Variants in NCKAP5 observed in about 807,000 individuals in gnomAD.
The protein encoded by NCKAP5 is NCK associated protein 5.
A neutral mutation model predicts 167.0 loss-of-function variants in NCKAP5; 92 were observed. The ratio of observed to expected loss-of-function variants is 0.55; its 90% CI spans 0.47 to 0.66. NCKAP5 has a LOEUF of 0.66. Among genes scored for constraint, NCKAP5 ranks in the 30% least tolerant of loss-of-function variants. NCKAP5 has a pLI of 0.00. For synonymous variants in NCKAP5, 891 were observed against 877.4 expected, an observed-to-expected ratio of 1.02 and a Z score of -0.27; for missense variants, 2,378 against 2,315.0, an observed-to-expected ratio of 1.03 and a Z score of -0.56.
At chr2:133,108,644 A>G in intron 6 of NCKAP5, among the ~76,000 whole-genome samples, 1 of 152,212 alleles carries the variant, frequency 6.6e-6, no homozygotes, top group East Asian at 1.9e-4. Flanking sequence ...TCCAGAACGT[A>G]TTCATCCTTC....
intron 8 of NCKAP5, among the ~76,000 whole-genome samples, chr2:132,917,410 G>C (rs1694969891): frequency 6.6e-6 from 1 of 152,164 alleles, no homozygotes; most frequent in Admixed American, 6.5e-5. Flanking sequence ...TAAAATGATA[G>C]TTCATAGCCC....
intron 8 of NCKAP5, among the ~76,000 whole-genome samples, 166 bp from the exon 9 acceptor site, chr2:132,879,082 G>A (rs1691548963): frequency 6.6e-6 from 1 of 152,172 alleles, no homozygotes; most frequent in African/African-American, 2.4e-5. Flanking sequence ...TCGCAGGGAT[G>A]ACTTCTGTCT....
the NCKAP5 span, among the ~76,000 whole-genome samples, chr2:133,578,958 T>A: frequency 6.6e-6 from 1 of 152,162 alleles, no homozygotes; most frequent in Non-Finnish European, 1.5e-5. Context: ...AATCTGTTCT[T>A]AAGAAACACA....
the NCKAP5 span, among the ~76,000 whole-genome samples, chr2:133,620,512 T>G: frequency 1.3e-5 from 2 of 152,060 alleles, no homozygotes; most frequent in African/African-American, 2.4e-5. Context: ...CAACAGCAGT[T>G]AAAAAAGACA....
chr2:133,381,232 G>A (rs956220355), intron 3 of NCKAP5, among the ~76,000 whole-genome samples: 2 of 152,116 alleles, frequency 1.3e-5, no homozygotes, highest in Admixed American at 6.6e-5. Flanking sequence ...GACAGACATC[G>A]TCAGTCATGG....
At chr2:133,595,465 C>G in the NCKAP5 span, among the ~76,000 whole-genome samples, 1 of 151,844 alleles carries the variant, frequency 6.6e-6, no homozygotes, top group Non-Finnish European at 1.5e-5. Context: ...TCCTCCTCCT[C>G]TTCCTTTTTC....
intron 5 of NCKAP5, among the ~76,000 whole-genome samples, chr2:133,161,896 AGGATCTCCTGTATCAG>A (rs1454038621): frequency 2.0e-5 from 3 of 152,296 alleles, no homozygotes; most frequent in Non-Finnish European, 2.9e-5. Context: ...TCTTCCATAT[AGGATCTCCTGTATCAG>A]GGATCTACAA....
At chr2:133,249,998 T>TTTATTATTA (rs10685479) in intron 4 of NCKAP5, among the ~76,000 whole-genome samples, 37,133 of 137,878 alleles carry the variant, frequency 0.27, 5,337 homozygotes, top group African/African-American at 0.34. Flanking sequence ...CACCAAGGGT[T>TTTATTATTA]TTATTATTAT....
At chr2:133,131,388 A>G (rs1332014365) in intron 5 of NCKAP5, among the ~76,000 whole-genome samples, 1 of 151,668 alleles carries the variant, frequency 6.6e-6, no homozygotes, top group Admixed American at 6.6e-5. Context: ...TTCCAACATC[A>G]CCTACCATCT....
At chr2:133,561,006 T>C (rs1438728186) in intron 1 of NCKAP5, among the ~76,000 whole-genome samples, 1 of 152,246 alleles carries the variant, frequency 6.6e-6, no homozygotes, top group Non-Finnish European at 1.5e-5. Flanking sequence ...CCTGGTTTGG[T>C]TGATGGCTTA....
the NCKAP5 span, among the ~76,000 whole-genome samples, chr2:133,658,842 T>C: frequency 6.6e-6 from 1 of 152,108 alleles, no homozygotes. Flanking sequence ...CTTCTTAAGC[T>C]GATTTCTGCT....
At chr2:133,017,728 C>G (rs560233492) in intron 6 of NCKAP5, among the ~76,000 whole-genome samples, 43 of 150,536 alleles carry the variant, frequency 2.9e-4, no homozygotes, top group African/African-American at 1.0e-3. Flanking sequence ...TCTTCCCCGC[C>G]CCCCCACTGT....
chr2:133,191,794 A>G (rs1223757881), intron 5 of NCKAP5, among the ~76,000 whole-genome samples: 1 of 152,058 alleles, frequency 6.6e-6, no homozygotes, highest in Non-Finnish European at 1.5e-5. Flanking sequence ...AGGGAGGGAT[A>G]GCATTAGGAG....
intron 3 of NCKAP5, among the ~76,000 whole-genome samples, chr2:133,368,166 A>G (rs1013802215): frequency 6.6e-6 from 1 of 152,248 alleles, no homozygotes; most frequent in African/African-American, 2.4e-5. Flanking sequence ...TTCCAAGAAA[A>G]GGACTATGTA....
At chr2:133,467,304 G>T (rs1398702648) in intron 3 of NCKAP5, among the ~76,000 whole-genome samples, 1 of 151,664 alleles carries the variant, frequency 6.6e-6, no homozygotes, top group Non-Finnish European at 1.5e-5. Flanking sequence ...TTATATGCTG[G>T]ATTACATTTA....
intron 4 of NCKAP5, among the ~76,000 whole-genome samples, chr2:133,275,833 C>T (rs2089702914): frequency 6.6e-6 from 1 of 151,134 alleles, no homozygotes; most frequent in African/African-American, 2.4e-5. Context: ...TAGATCACTA[C>T]ATAACTTAAT....
At chr2:133,292,803 C>T (rs936321854) in intron 4 of NCKAP5, among the ~76,000 whole-genome samples, 13 of 152,096 alleles carry the variant, frequency 8.5e-5, no homozygotes, top group African/African-American at 1.4e-4. Flanking sequence ...CTTTTAAGTA[C>T]GAATATTTCC....
rs982308274 is a variant in NCKAP5, at chr2:133,541,273, AT to A, written c.-62+17776del. On this transcript the variant is annotated intron_variant, in intron 2 of 19. Transcript: ENST00000409261. Reference sequence around the variant, plus strand: ...CTTTGTTAAAACTTTTAATTGAAAAATATAATATGATAAATTTAAAATCACA... The same window carrying A: ...CTTTGTTAAAACTTTTAATTGAAAAAATAATATGATAAATTTAAAATCACA... Among the ~76,000 whole-genome samples, 157 of 135,000 alleles carry A rather than the reference AT, an allele frequency of 1.2e-3. 1 individual carries two copies. Among genetic ancestry groups the A allele is most frequent in the African/African-American group, 3.8e-3 (149 of 39,174 alleles). The allele number at this position is 135,000 out of a possible 152,430, so 88.6% of individuals were successfully genotyped here. A position where few individuals can be genotyped will look rare whatever the true frequency, so the allele number is the denominator to read the frequency against.
At chr2:133,441,830 CA>C (rs2151165771) in intron 3 of NCKAP5, among the ~76,000 whole-genome samples, 1 of 152,170 alleles carries the variant, frequency 6.6e-6, no homozygotes, top group East Asian at 1.9e-4. Flanking sequence ...AGCGAACTCT[CA>C]GGGAATTAAT....
Sources: gnomAD v4.1 joint callset for allele counts (sites outside exome capture counted in the v4.1 genomes callset) on GRCh38, gnomAD v4.1.1 for gene constraint, MANE v1.5 for transcripts, NCBI Gene and HGNC (gene_info 2026-07-23, HGNC 2026-07-21) for gene names.